Variants in CYP20A1 observed in about 807,000 individuals in gnomAD.
The protein encoded by CYP20A1 is cytochrome P450 20A1.
A neutral mutation model predicts 61.4 loss-of-function variants in CYP20A1; 61 were observed. That is an observed-to-expected ratio of 0.99 (90% CI 0.81 to 1.23). The LOEUF (loss-of-function observed/expected upper bound fraction) is 1.23, where lower values mean the gene tolerates loss of function less well. CYP20A1 is among the 50% of genes most tolerant of loss of function. The pLI is 0.00. For missense variants in CYP20A1, 530 were observed against 542.4 expected (o/e 0.98, Z 0.23); for synonymous variants, 193 against 188.2 (o/e 1.03, Z -0.21).
rs1164055158 is a variant in CYP20A1, at chr2:203,303,655, A to G, written c.*6747A>G. 2.0e-5 allele frequency among the ~76,000 whole-genome samples: 3 copies of G among 151,952 alleles called. No individual in the cohort carries two copies. Among genetic ancestry groups the G allele is most frequent in the Non-Finnish European group, 4.4e-5 (3 of 67,994 alleles). On this transcript the variant is annotated 3_prime_UTR_variant, in exon 13 of 13. Coordinates refer to ENST00000356079, the MANE Select transcript of CYP20A1 (RefSeq NM_177538.3). ...GGTTGCAGTGAGCCGAGATCGCGCC[A>G]TTGCACTCCAGTGTGGGTGACGAGC...
At chr2:203,258,694 A>C (rs1181658309) in intron 4 of CYP20A1, among the ~76,000 whole-genome samples, 3 of 152,038 alleles carry the variant, frequency 2.0e-5, no homozygotes, top group African/African-American at 7.2e-5. Context: ...CCATTCTCTC[A>C]TTGTTACCAT....
In CYP20A1 at chr2:203,300,289, C is replaced by T. The variant is rs1312219032; in HGVS notation, c.*3381C>T. Among the ~76,000 whole-genome samples, 1 of 152,130 alleles carries T rather than the reference C, an allele frequency of 6.6e-6. No individual in the cohort carries two copies. The highest frequency in any genetic ancestry group is 1.5e-5 in the Non-Finnish European group (1 of 68,012). ...CAAATGATTAAAAAGAAGTTATTCT[C>T]TAGATAATTTTTTAAATAAAAGTAC... On this transcript the variant is annotated 3_prime_UTR_variant, in exon 13 of 13. Transcript: ENST00000356079.
At chr2:203,293,372 C>A (rs527806533) in intron 11 of CYP20A1, among the ~76,000 whole-genome samples, 1 of 150,982 alleles carries the variant, frequency 6.6e-6, no homozygotes, top group African/African-American at 2.4e-5. Context: ...CCCGCCACCA[C>A]GCCCAGCTAA....
At chr2:203,292,081 C>T (rs1469745573) in intron 10 of CYP20A1, among the ~76,000 whole-genome samples, 181 bp from the exon 11 acceptor site, 2 of 152,246 alleles carry the variant, frequency 1.3e-5, no homozygotes, top group Non-Finnish European at 2.9e-5. Context: ...TTGTGACATG[C>T]TTAGGGAGGC....
chr2:203,277,208 C>T (rs916073719), intron 6 of CYP20A1, among the ~76,000 whole-genome samples: 3 of 151,938 alleles, frequency 2.0e-5, no homozygotes, highest in East Asian at 1.9e-4. Flanking sequence ...ATTAGCCGGG[C>T]GTGGTGGCAC....
rs961423826 is a variant in CYP20A1 at position 203,258,309 on chromosome 2, C to T, written c.432+6200C>T. ...GAAGGATCGCATCAGCCCAGGAGTT[C>T]AAGGGTATTGTGAGTGATAATTGTG... On this transcript the variant is annotated intron_variant, in intron 4 of 12. Transcript: ENST00000356079. Among the ~76,000 whole-genome samples the T allele has an allele frequency of 4.0e-5, 6 of 149,308 alleles. No individual in the cohort carries two copies. The South Asian group carries it at 1.1e-3, about 27-fold the overall frequency.
At chr2:203,266,393 C>T in intron 4 of CYP20A1, 121 bp from the exon 5 acceptor site, 1 of 810,898 alleles carries the variant, frequency 1.2e-6, no homozygotes, top group Non-Finnish European at 2.0e-6. Flanking sequence ...AGATTCGTAC[C>T]TGAATGTTGA....
intron 1 of CYP20A1, among the ~76,000 whole-genome samples, chr2:203,242,301 C>T (rs1278569294): frequency 6.6e-6 from 1 of 152,028 alleles, no homozygotes; most frequent in Admixed American, 6.6e-5. Flanking sequence ...TTAAGAAGAG[C>T]GGTTTCAGTG....
intron 3 of CYP20A1, 90 bp from the exon 4 acceptor site, chr2:203,251,877 A>G: frequency 2.0e-6 from 2 of 1,025,526 alleles, no homozygotes; most frequent in East Asian, 6.1e-5. Context: ...TTCAGCTACA[A>G]TTCTTTACCT....
At chr2:203,291,509 C>T (rs1458584069) in intron 10 of CYP20A1, among the ~76,000 whole-genome samples, 2 of 152,092 alleles carry the variant, frequency 1.3e-5, no homozygotes, top group South Asian at 2.1e-4. Context: ...AATTTTCATA[C>T]ATATATTAAC....
chr2:203,284,009 T>G (rs1489775968), intron 8 of CYP20A1, among the ~76,000 whole-genome samples: 9 of 152,166 alleles, frequency 5.9e-5, no homozygotes, highest in Admixed American at 5.9e-4. Context: ...ACTTGTAAAA[T>G]AGCAATTCTA....
rs1251417229 is a variant in CYP20A1 at position 203,301,506 on chromosome 2, A to G, written c.*4598A>G. 6.6e-6 allele frequency among the ~76,000 whole-genome samples: 1 copy of G among 151,992 alleles called. No homozygotes were observed. Among genetic ancestry groups the G allele is most frequent in the East Asian group, 1.9e-4 (1 of 5,182 alleles). On this transcript the variant is annotated 3_prime_UTR_variant, in exon 13 of 13. Transcript: ENST00000356079. ...GTCTTGTCTCAAACTCCTAGGCTCA[A>G]GCGATCCTCCCACCTGGGCCTCCCA...
At chr2:203,264,804 A>C (rs1473453902) in intron 4 of CYP20A1, among the ~76,000 whole-genome samples, 1 of 152,066 alleles carries the variant, frequency 6.6e-6, no homozygotes, top group Non-Finnish European at 1.5e-5. Flanking sequence ...ATCTCAGCTC[A>C]CTGCAAGCTC....
chr2:203,280,029 A>T, intron 7 of CYP20A1, 30 bp from the exon 8 acceptor site: 1 of 1,557,700 alleles, frequency 6.4e-7, no homozygotes, highest in Non-Finnish European at 8.8e-7. Flanking sequence ...TACATTTTTC[A>T]CACTTTCTAA....
In CYP20A1 at chr2:203,269,325, C is replaced by T. The variant is rs2067464408; in HGVS notation, c.600+2644C>T. On this transcript the variant is annotated intron_variant, in intron 5 of 12. Coordinates refer to ENST00000356079, the MANE Select transcript of CYP20A1 (RefSeq NM_177538.3). Reference sequence around the variant, plus strand: ...TTAATTAGTGAAGTGTGGTGGCATGCACGCCTGTAGTCCCAGCTACTCAGG... The same window carrying T: ...TTAATTAGTGAAGTGTGGTGGCATGTACGCCTGTAGTCCCAGCTACTCAGG... Among the ~76,000 whole-genome samples the T allele has an allele frequency of 2.1e-5, 3 of 144,788 alleles. No homozygotes were observed. In the Admixed American group the frequency reaches 2.2e-4, roughly 10 times the overall value. The allele number at this position is 144,788 out of a possible 152,430, so 95.0% of individuals were successfully genotyped here.
At chr2:203,241,282 T>C (rs2066245971) in intron 1 of CYP20A1, among the ~76,000 whole-genome samples, 1 of 152,150 alleles carries the variant, frequency 6.6e-6, no homozygotes, top group Non-Finnish European at 1.5e-5. Context: ...TGGGCTAGGT[T>C]TGAGATGCCT....
intron 3 of CYP20A1, among the ~76,000 whole-genome samples, chr2:203,250,422 C>T (rs912704349): frequency 1.3e-5 from 2 of 152,076 alleles, no homozygotes; most frequent in East Asian, 3.9e-4. Context: ...AAGTTACTTG[C>T]CTAAGGTCAC....
chr2:203,262,360 C>T (rs752614565), intron 4 of CYP20A1, among the ~76,000 whole-genome samples: 13 of 152,116 alleles, frequency 8.5e-5, no homozygotes, highest in Non-Finnish European at 1.3e-4. Flanking sequence ...GCCAGACCTG[C>T]AAGTCTATTA....
At position 203,293,216 on chromosome 2, in the gene CYP20A1, C is replaced by CT. The variant is rs1369639507; in HGVS notation, c.1148+907dup. 6.6e-4 allele frequency among the ~76,000 whole-genome samples: 89 copies of CT among 134,724 alleles called. 2 individuals are homozygous for CT. Among genetic ancestry groups the CT allele is most frequent in the East Asian group, 3.5e-3 (15 of 4,250 alleles). The allele number at this position is 134,724 out of a possible 152,430, so 88.4% of individuals were successfully genotyped here. The stretch of plus-strand genomic sequence containing the variant: ...TTTTAAAAAAGCAGAATTTCTCTCT[C>CT]TTTTTTTTTTTTTTTTTGAGATGGA... On this transcript the variant is annotated intron_variant, in intron 11 of 12. Transcript: ENST00000356079.
Sources: allele counts gnomAD v4.1 joint callset (sites outside exome capture counted in the v4.1 genomes callset), GRCh38; gene constraint gnomAD v4.1.1; transcripts MANE v1.5; gene names NCBI Gene and HGNC (gene_info 2026-07-23, HGNC 2026-07-21).